Variants in FGB observed in about 807,000 individuals in gnomAD.
The protein encoded by FGB is beta-fibrinogen.
A neutral mutation model predicts 57.9 loss-of-function variants in FGB; 25 were observed. The observed-to-expected ratio is 0.43, with a 90% CI of 0.31 to 0.60. FGB has a LOEUF of 0.60. Ranked by LOEUF, FGB falls within the 20% of genes least tolerant of loss-of-function variation. The pLI, the probability that FGB is intolerant of heterozygous loss-of-function variation, is 0.08. For missense variants in FGB, 536 were observed against 598.4 expected, an observed-to-expected ratio of 0.90 and a Z score of 1.09; for synonymous variants, 203 against 199.2, an observed-to-expected ratio of 1.02 and a Z score of -0.16.
In FGB at chr4:154,571,093, G is replaced by T; in HGVS notation, c.*443G>T. The T allele has an allele frequency of 3.8e-6, 1 of 264,698 alleles. No homozygotes were observed. Among genetic ancestry groups the T allele is most frequent in the South Asian group, 4.2e-5 (1 of 23,818 alleles). 16.4% of individuals were successfully genotyped at this position (264,698 alleles called of 1,614,324 possible). ...CCAGACTCTGTTGCAATAAGTTAAT[G>T]TTTTCTTGTTTTGTAATCCACACAT... On this transcript the variant is annotated 3_prime_UTR_variant, in exon 8 of 8. Coordinates refer to ENST00000302068, the MANE Select transcript of FGB (RefSeq NM_005141.5).
rs780930936 is a variant in FGB at position 154,567,851 on chromosome 4, GT to G, written c.718+33del. ...TGATTCATAAACATATTTTTAGAGAGTTCCAGAAGAACTCACACACCAAAAA... is the reference window on the plus strand; with the variant it reads ...TGATTCATAAACATATTTTTAGAGAGTCCAGAAGAACTCACACACCAAAAA... On this transcript the variant is annotated intron_variant, in intron 4 of 7. Transcript: ENST00000302068. The G allele has an allele frequency of 3.3e-6, 5 of 1,504,288 alleles. No individual in the cohort carries two copies. In the Admixed American group the frequency reaches 6.7e-5, roughly 20 times the overall value. 93.2% of individuals were successfully genotyped at this position (1,504,288 alleles called of 1,614,324 possible). A position where few individuals can be genotyped will look rare whatever the true frequency, so the allele number is the denominator to read the frequency against.
Position 154,565,947 on chromosome 4 carries a change from T to C in FGB, c.254T>C (p.Val85Ala), listed in dbSNP as rs775809959. The C allele has an allele frequency of 1.9e-6, 3 of 1,614,008 alleles. No homozygotes were observed. Among genetic ancestry groups the C allele is most frequent in the Non-Finnish European group, 2.5e-6 (3 of 1,180,002 alleles). ...AAAGCAGCTGCCACTCAAAAGAAAG[T>C]AGAAAGAAAAGCCCCTGATGCTGGA... ...PAKAAATQKK[V>A]ERKAPDAGGC... Residue 85 changes from valine to alanine, a missense_variant, in exon 2 of 8, where the codon GTA (valine) becomes GCA (alanine). By Grantham distance (64) the Val-to-Ala change is moderately conservative (BLOSUM62 0). Coordinates refer to ENST00000302068, the MANE Select transcript of FGB (RefSeq NM_005141.5).
At chr4:154,569,365 T>TA in intron 6 of FGB, 58 bp downstream of exon 6, 2 of 1,608,828 alleles carry the variant, frequency 1.2e-6, no homozygotes, top group Non-Finnish European at 1.7e-6. Flanking sequence ...TTTTTTTAAT[T>TA]AAAAAACATT....
At position 154,569,705 on chromosome 4, in the gene FGB, A is replaced by G. The variant is rs1317444345; in HGVS notation, c.1150A>G (p.Met384Val). 23 of 1,614,130 alleles carry G rather than the reference A, an allele frequency of 1.4e-5. No homozygotes were observed. The highest frequency in any genetic ancestry group is 2.2e-5 in the East Asian group (1 of 44,874). ...KYRGTAGNALMDGASQLMGEN... is the reference protein window; with the variant it reads ...KYRGTAGNALVDGASQLMGEN... ...CAGAGGAACAGCCGGTAATGCCCTC[A>G]TGGATGGAGCATCTCAGCTGATGGG... The change falls in exon 7 of 8, where the codon ATG becomes GTG. Residue 384 changes from methionine to valine, a missense_variant. This residue lies in a region of FGB where 177 missense variants were observed against 193.7 expected (regional missense o/e 0.91). Transcript: ENST00000302068.
Position 154,568,431 on chromosome 4 carries a change from A to T in FGB, c.769A>T (p.Ile257Phe). 1 of 1,605,960 alleles carries T rather than the reference A, an allele frequency of 6.2e-7. No homozygotes were observed. Among genetic ancestry groups the T allele is most frequent in the South Asian group, 1.1e-5 (1 of 90,922 alleles). Residue 257 changes from isoleucine to phenylalanine, a missense_variant, in exon 5 of 8, where the codon ATT becomes TTT. Transcript: ENST00000302068. ...AGGTGAAACATCTGAAATGTATCTC[A>T]TTCAACCTGACAGTTCTGTCAAACC... ...KGGETSEMYLIQPDSSVKPYR... is the reference protein window; with the variant it reads ...KGGETSEMYLFQPDSSVKPYR...
At position 154,568,506 on chromosome 4, in the gene FGB, AC is replaced by A; in HGVS notation, c.832+13del. On this transcript the variant is annotated intron_variant, in intron 5 of 7. Coordinates refer to ENST00000302068, the MANE Select transcript of FGB (RefSeq NM_005141.5). Reference sequence around the variant, plus strand: ...TACAGAAAATGGAGGTAAGCTTTCGACAGTTGTTGACCTGTTGATCTGTAAT... The same window carrying A: ...TACAGAAAATGGAGGTAAGCTTTCGAAGTTGTTGACCTGTTGATCTGTAAT... The A allele has an allele frequency of 7.7e-7, 1 of 1,303,626 alleles. No homozygotes were observed. The highest frequency in any genetic ancestry group is 1.2e-5 in the South Asian group (1 of 84,890). The allele number at this position is 1,303,626 out of a possible 1,614,324, so 80.8% of individuals were successfully genotyped here.
rs561466155 is a variant in FGB at position 154,572,652 on chromosome 4, T to C, written c.*2002T>C. 6.6e-6 allele frequency among the ~76,000 whole-genome samples: 1 copy of C among 152,290 alleles called. No individual in the cohort carries two copies. The highest frequency in any genetic ancestry group is 2.4e-5 in the African/African-American group (1 of 41,558). On this transcript the variant is annotated 3_prime_UTR_variant, in exon 8 of 8. Transcript: ENST00000302068. Reference sequence around the variant, plus strand: ...CTGAACACATATTCTTCTTAGACCATACAGTCATTCTCAGGGTATGCTTGA... The same window carrying C: ...CTGAACACATATTCTTCTTAGACCACACAGTCATTCTCAGGGTATGCTTGA...
At chr4:154,565,412 AG>A (rs1193097662) in intron 1 of FGB, 1 of 282,972 alleles carries the variant, frequency 3.5e-6, no homozygotes, top group Non-Finnish European at 7.2e-6. Context: ...AAATGAAAGT[AG>A]GGAAATGATT....
intron 7 of FGB, among the ~76,000 whole-genome samples, 163 bp downstream of exon 7, chr4:154,569,962 A>G (rs969557821): frequency 3.3e-5 from 5 of 152,236 alleles, no homozygotes; most frequent in African/African-American, 1.2e-4. Context: ...TATAAGGTAG[A>G]CATTCTTATT....
At chr4:154,565,537 G>A (rs1339096443) in intron 1 of FGB, 3 of 448,676 alleles carry the variant, frequency 6.7e-6, no homozygotes, top group Non-Finnish European at 1.2e-5. Flanking sequence ...GGAATATGAG[G>A]TCATTACTAT....
intron 3 of FGB, 167 bp downstream of exon 3, chr4:154,566,839 G>A: frequency 1.5e-6 from 1 of 652,700 alleles, no homozygotes; most frequent in Non-Finnish European, 2.7e-6. Context: ...GCACTATTCA[G>A]CTCTTATTCC....
At chr4:154,565,031 A>G (rs1426947996) in intron 1 of FGB, among the ~76,000 whole-genome samples, 1 of 152,170 alleles carries the variant, frequency 6.6e-6, no homozygotes, top group African/African-American at 2.4e-5. Flanking sequence ...GGACACTTAA[A>G]CTGTAGTACT....
At chr4:154,566,344 C>T in intron 2 of FGB, 145 bp from the exon 3 acceptor site, 3 of 753,246 alleles carry the variant, frequency 4.0e-6, no homozygotes, top group Non-Finnish European at 6.7e-6. Context: ...ATGATGATGA[C>T]TTTCGAATTT....
Position 154,571,649 on chromosome 4 carries a change from C to A in FGB, c.*999C>A, listed in dbSNP as rs919224510. Among the ~76,000 whole-genome samples the A allele has an allele frequency of 2.6e-5, 4 of 152,064 alleles. No individual in the cohort carries two copies. Among genetic ancestry groups the A allele is most frequent in the African/African-American group, 9.7e-5 (4 of 41,400 alleles). ...TGCCTGTTGCCCATAGAAACGAGGTCTATTCTTGTCCTCAATTAGGCTTTT... is the reference window on the plus strand; with the variant it reads ...TGCCTGTTGCCCATAGAAACGAGGTATATTCTTGTCCTCAATTAGGCTTTT... On this transcript the variant is annotated 3_prime_UTR_variant, in exon 8 of 8. Transcript: ENST00000302068.
Position 154,563,090 on chromosome 4 carries a change from T to C in FGB, c.72T>C (p.Cys24=). 1 of 1,573,514 alleles carries C rather than the reference T, an allele frequency of 6.4e-7. No homozygotes were observed. Among genetic ancestry groups the C allele is most frequent in the Non-Finnish European group, 8.6e-7 (1 of 1,156,196 alleles). ...AACATCTATTATTGCTACTATTGTG[T>C]GTTTTTCTAGTTAAGTCCCAAGGTG... ...TMKHLLLLLL[C]VFLVKSQGVN... The change falls in exon 1 of 8, where the codon TGT becomes TGC. Residue 24 remains cysteine, a synonymous_variant. Transcript: ENST00000302068.
At position 154,572,539 on chromosome 4, in the gene FGB, A is replaced by C. The variant is rs1730470171; in HGVS notation, c.*1889A>C. Among the ~76,000 whole-genome samples the C allele has an allele frequency of 6.6e-6, 1 of 152,206 alleles. No individual in the cohort carries two copies. The highest frequency in any genetic ancestry group is 2.1e-4 in the South Asian group (1 of 4,830). On this transcript the variant is annotated 3_prime_UTR_variant, in exon 8 of 8. Coordinates refer to ENST00000302068, the MANE Select transcript of FGB (RefSeq NM_005141.5). ...TGGTTCCTTGCACATCCTGAGTTCC[A>C]ACGGACAGGCAGGGAGTTCAAGTGT...
rs924400069 is a variant in FGB at position 154,571,533 on chromosome 4, A to G, written c.*883A>G. On this transcript the variant is annotated 3_prime_UTR_variant, in exon 8 of 8. Coordinates refer to ENST00000302068, the MANE Select transcript of FGB (RefSeq NM_005141.5). ...AAGCCACCACTCTGCCACTTAAATAAACATCAGGATCAGAGATTCCAAGAG... is the reference window on the plus strand; with the variant it reads ...AAGCCACCACTCTGCCACTTAAATAGACATCAGGATCAGAGATTCCAAGAG... 6.6e-6 allele frequency among the ~76,000 whole-genome samples: 1 copy of G among 152,098 alleles called. No individual in the cohort carries two copies. The highest frequency in any genetic ancestry group is 2.4e-5 in the African/African-American group (1 of 41,422).
rs1730243362 is a variant in FGB at position 154,568,144 on chromosome 4, C to T, written c.719-237C>T. Among the ~76,000 whole-genome samples the T allele has an allele frequency of 1.3e-5, 2 of 152,080 alleles. 1 individual carries two copies. The highest frequency in any genetic ancestry group is 4.1e-4 in the South Asian group (2 of 4,824). ...TGTGTTCTGGGAGCTCATGGATATTCCAGGACACAAAAGGTGGAGAAGAGC... is the reference window on the plus strand; with the variant it reads ...TGTGTTCTGGGAGCTCATGGATATTTCAGGACACAAAAGGTGGAGAAGAGC... On this transcript the variant is annotated intron_variant, in intron 4 of 7. Transcript: ENST00000302068.
chr4:154,572,159 C>T lies in FGB; in HGVS notation c.*1509C>T, dbSNP rs1425278985. On this transcript the variant is annotated 3_prime_UTR_variant, in exon 8 of 8. Coordinates refer to ENST00000302068, the MANE Select transcript of FGB (RefSeq NM_005141.5). ...TGGTCCCAGTACCATTTCCTGTTCC[C>T]TTCACTATAACCTACATTTTTGTCA... Among the ~76,000 whole-genome samples, 1 of 152,122 alleles carries T rather than the reference C, an allele frequency of 6.6e-6. No homozygotes were observed. Among genetic ancestry groups the T allele is most frequent in the Non-Finnish European group, 1.5e-5 (1 of 68,044 alleles).
Sources: allele counts gnomAD v4.1 joint callset (sites outside exome capture counted in the v4.1 genomes callset), GRCh38; gene constraint gnomAD v4.1.1; regional missense constraint gnomAD v4.1.1; transcripts MANE v1.5; gene names NCBI Gene and HGNC (gene_info 2026-07-23, HGNC 2026-07-21).